HTRA3: variants seen among roughly 807,000 people sequenced by gnomAD.
HTRA3 encodes the protein HtrA serine peptidase 3.
A neutral mutation model predicts 43.2 loss-of-function variants in HTRA3; 41 were observed. That is an observed-to-expected ratio of 0.95 (90% CI 0.74 to 1.23). The LOEUF (loss-of-function observed/expected upper bound fraction) is 1.23. HTRA3 is among the 50% of genes most tolerant of loss of function. HTRA3 has a pLI of 0.00. For missense variants in HTRA3, 628 were observed against 647.1 expected (o/e 0.97, Z 0.32); for synonymous variants, 295 against 287.9 (o/e 1.02, Z -0.25).
At chr4:8,298,741 G>A (rs1713540397) in intron 6 of HTRA3, among the ~76,000 whole-genome samples, 1 of 152,182 alleles carries the variant, frequency 6.6e-6, no homozygotes, top group Non-Finnish European at 1.5e-5. Context: ...AAATTCAGTT[G>A]TTCTAGCACC....
chr4:8,290,124 C>A (rs533557988), intron 3 of HTRA3, among the ~76,000 whole-genome samples: 1 of 152,382 alleles, frequency 6.6e-6, no homozygotes, highest in Admixed American at 6.5e-5. Context: ...CCTGGTTCCG[C>A]CACCTGGCAT....
chr4:8,271,064 G>A (rs1004951307), intron 1 of HTRA3, among the ~76,000 whole-genome samples: 9 of 152,118 alleles, frequency 5.9e-5, no homozygotes, highest in Non-Finnish European at 1.2e-4. Context: ...GACAGGCGAC[G>A]GGCCCCAGGT....
rs1048036369 is a variant in HTRA3, at chr4:8,270,432, G to A, written c.385+79G>A. Reference sequence around the variant, plus strand: ...AAGGCCGGGAGTTAGGGCCGAGCTCGAGGTCGCCCTTCCCTGGGCACCACC... The same window carrying A: ...AAGGCCGGGAGTTAGGGCCGAGCTCAAGGTCGCCCTTCCCTGGGCACCACC... On this transcript the variant is annotated intron_variant, in intron 1 of 8. Transcript: ENST00000307358. 1.3e-5 allele frequency: 18 copies of A among 1,341,188 alleles called. No homozygotes were observed. The Admixed American group carries it at 3.7e-4, about 27-fold the overall frequency. The allele number at this position is 1,341,188 out of a possible 1,614,324, so 83.1% of individuals were successfully genotyped here. A position where few individuals can be genotyped will look rare whatever the true frequency, so the allele number is the denominator to read the frequency against.
rs934549983 is a variant in HTRA3, at chr4:8,269,938, C to T, written c.-31C>T. The stretch of plus-strand genomic sequence containing the variant: ...CCCCGCCGGCCCCCGCCCGGTCTCC[C>T]GCGCTGCCACCCGCCGCCGGCCCTG... On this transcript the variant is annotated 5_prime_UTR_variant, in exon 1 of 9. Transcript: ENST00000307358. 3 of 1,039,682 alleles carry T rather than the reference C, an allele frequency of 2.9e-6. No individual in the cohort carries two copies. The highest frequency in any genetic ancestry group is 3.5e-6 in the Non-Finnish European group (3 of 863,944). The allele number at this position is 1,039,682 out of a possible 1,614,324, so 64.4% of individuals were successfully genotyped here.
chr4:8,288,130 A>G (rs1713068496), intron 3 of HTRA3, among the ~76,000 whole-genome samples: 1 of 152,168 alleles, frequency 6.6e-6, no homozygotes, highest in African/African-American at 2.4e-5. Flanking sequence ...AGGAGATTTA[A>G]TGGTTCCAAG....
Position 8,286,718 on chromosome 4 carries a change from T to C in HTRA3, c.643T>C (p.Tyr215His). ...LKVQLQNGDS[Y>H]EATIKDIDKK... ...GGTGCAGCTACAGAATGGGGACTCCTATGAGGCCACCATCAAAGACATCGA... is the reference window on the plus strand; with the variant it reads ...GGTGCAGCTACAGAATGGGGACTCCCATGAGGCCACCATCAAAGACATCGA... The change falls in exon 3 of 9, where the codon TAT (tyrosine) becomes CAT (histidine). Residue 215 changes from tyrosine to histidine, a missense_variant. Tyr to His is a moderately conservative substitution (Grantham distance 83). Transcript: ENST00000307358. The surrounding 1 kb of genome is among the most constrained non-coding windows in gnomAD (Gnocchi z 4.9). 1 of 1,614,148 alleles carries C rather than the reference T, an allele frequency of 6.2e-7. No homozygotes were observed. The highest frequency in any genetic ancestry group is 2.2e-5 in the East Asian group (1 of 44,878).
intron 6 of HTRA3, among the ~76,000 whole-genome samples, chr4:8,301,165 A>ACT (rs71175473): frequency 0.92 from 139,667 of 151,244 alleles, 64,517 homozygotes; most frequent in Middle Eastern, 0.95. Context: ...ATTGACTCAC[A>ACT]CTTTATTATT....
In HTRA3 at chr4:8,296,692, G is replaced by T. The variant is rs1381272072; in HGVS notation, c.1051+2491G>T. Reference sequence around the variant, plus strand: ...AGTAGCCCCACATGGGGTGGTGTGGGGTGTTTGATTCATGGAGTGGGGCCG... The same window carrying T: ...AGTAGCCCCACATGGGGTGGTGTGGTGTGTTTGATTCATGGAGTGGGGCCG... On this transcript the variant is annotated intron_variant, in intron 6 of 8. Coordinates refer to ENST00000307358, the MANE Select transcript of HTRA3 (RefSeq NM_053044.5). This position sits in a 1 kb window ranked among gnomAD's most constrained non-coding sequence, Gnocchi z 5.3. 6.6e-6 allele frequency among the ~76,000 whole-genome samples: 1 copy of T among 152,120 alleles called. No individual in the cohort carries two copies. The highest frequency in any genetic ancestry group is 1.9e-4 in the East Asian group (1 of 5,158).
chr4:8,278,211 A>G (rs897472711), intron 1 of HTRA3, among the ~76,000 whole-genome samples: 6 of 151,992 alleles, frequency 3.9e-5, no homozygotes, highest in African/African-American at 1.2e-4. Context: ...TGGGAGTTCC[A>G]TCAGGCAGGG....
chr4:8,282,729 C>T (rs1176491645), intron 2 of HTRA3, among the ~76,000 whole-genome samples, 193 bp downstream of exon 2: 3 of 152,222 alleles, frequency 2.0e-5, no homozygotes, highest in Non-Finnish European at 2.9e-5. Context: ...GCTGAAGTGA[C>T]TCCGCACCTG....
intron 7 of HTRA3, among the ~76,000 whole-genome samples, chr4:8,303,892 T>C (rs1161047655): frequency 6.6e-6 from 1 of 152,070 alleles, no homozygotes; most frequent in African/African-American, 2.4e-5. Flanking sequence ...CCAGCATCAT[T>C]CCTTCATTCA....
rs1713505288 is a variant in HTRA3, at chr4:8,297,771, C to A, written c.1051+3570C>A. ...TTAGAAGCCACCTAGAGAGTGATCC[C>A]CCGGATTTACGCCTCCAGCCTGGCC... On this transcript the variant is annotated intron_variant, in intron 6 of 8. Coordinates refer to ENST00000307358, the MANE Select transcript of HTRA3 (RefSeq NM_053044.5). This position sits in a 1 kb window ranked among gnomAD's most constrained non-coding sequence, Gnocchi z 5.8. Among the ~76,000 whole-genome samples the A allele has an allele frequency of 6.6e-6, 1 of 152,070 alleles. No homozygotes were observed. The highest frequency in any genetic ancestry group is 1.9e-4 in the East Asian group (1 of 5,182).
In HTRA3 at chr4:8,297,488, C is replaced by T. The variant is rs1389662541; in HGVS notation, c.1051+3287C>T. 6.6e-6 allele frequency among the ~76,000 whole-genome samples: 1 copy of T among 152,122 alleles called. No homozygotes were observed. The highest frequency in any genetic ancestry group is 6.5e-5 in the Admixed American group (1 of 15,282). ...TTCCTTCTAGCAGGGAGACGGGCCA[C>T]AAAAACGCCCCCAGATGCCACAGAT... is the stretch of plus-strand genomic sequence containing the variant. On this transcript the variant is annotated intron_variant, in intron 6 of 8. Transcript: ENST00000307358. This position sits in a 1 kb window ranked among gnomAD's most constrained non-coding sequence, Gnocchi z 5.8.
intron 8 of HTRA3, 36 bp downstream of exon 8, chr4:8,304,315 G>A (rs1447103966): frequency 2.6e-6 from 4 of 1,565,992 alleles, no homozygotes; most frequent in East Asian, 2.2e-5. Flanking sequence ...CGAGGCATGG[G>A]GCAGGCGTGA....
intron 2 of HTRA3, 56 bp downstream of exon 2, chr4:8,282,592 C>A: frequency 1.5e-6 from 2 of 1,346,012 alleles, no homozygotes; most frequent in Non-Finnish European, 2.1e-6. Flanking sequence ...GTACACCCGC[C>A]AGCTGCTGGG....
rs1326884977 is a variant in HTRA3 at position 8,297,257 on chromosome 4, C to T, written c.1051+3056C>T. Reference sequence around the variant, plus strand: ...CATACTTGGTGTGTGTTCTGCTCACCTCTCAAGTTCAAGGAGAAGAGGCTT... The same window carrying T: ...CATACTTGGTGTGTGTTCTGCTCACTTCTCAAGTTCAAGGAGAAGAGGCTT... On this transcript the variant is annotated intron_variant, in intron 6 of 8. Transcript: ENST00000307358. This position sits in a 1 kb window ranked among gnomAD's most constrained non-coding sequence, Gnocchi z 5.8. 6.6e-6 allele frequency among the ~76,000 whole-genome samples: 1 copy of T among 151,874 alleles called. No individual in the cohort carries two copies. Among genetic ancestry groups the T allele is most frequent in the Non-Finnish European group, 1.5e-5 (1 of 68,000 alleles).
chr4:8,270,209 T>C lies in HTRA3; in HGVS notation c.241T>C (p.Cys81Arg). 2.6e-6 allele frequency: 4 copies of C among 1,539,000 alleles called. No individual in the cohort carries two copies. Among genetic ancestry groups the C allele is most frequent in the Non-Finnish European group, 2.6e-6 (3 of 1,154,318 alleles). ...GESLECVRGL[C>R]RCRWSHAVCG... The stretch of plus-strand genomic sequence containing the variant: ...GAGCCTGGAGTGCGTGCGCGGCCTA[T>C]GCCGCTGCCGCTGGTCGCACGCCGT... The change falls in exon 1 of 9, where the codon TGC (cysteine) becomes CGC (arginine). Residue 81 changes from cysteine (C) to arginine (R), a missense_variant. Cys to Arg is a radical substitution (Grantham distance 180). Coordinates refer to ENST00000307358, the MANE Select transcript of HTRA3 (RefSeq NM_053044.5).
intron 5 of HTRA3, among the ~76,000 whole-genome samples, chr4:8,293,696 G>C (rs73083641): frequency 1.1e-4 from 17 of 152,226 alleles, no homozygotes; most frequent in African/African-American, 4.1e-4. Flanking sequence ...CCCACTTCTG[G>C]AAGGTAGGGA....
Position 8,282,677 on chromosome 4 carries a change from C to T in HTRA3, c.485+141C>T, listed in dbSNP as rs1578793731. 2.1e-5 allele frequency: 14 copies of T among 662,318 alleles called. No homozygotes were observed. In the East Asian group the frequency reaches 3.6e-4, roughly 17 times the overall value. The allele number at this position is 662,318 out of a possible 1,614,324, so 41.0% of individuals were successfully genotyped here. On this transcript the variant is annotated intron_variant, in intron 2 of 8. Transcript: ENST00000307358. ...CCTGGGGTCAGGCTGACCTCAGTCA[C>T]ATCTGCTGGCTGCCTGTGTGCCCCT...
Sources: allele counts gnomAD v4.1 joint callset (sites outside exome capture counted in the v4.1 genomes callset), GRCh38; gene constraint gnomAD v4.1.1; non-coding constraint Gnocchi (gnomAD v3.1); transcripts MANE v1.5; gene names NCBI Gene and HGNC (gene_info 2026-07-23, HGNC 2026-07-21).